MICALL1: variants seen among roughly 807,000 people sequenced by gnomAD.
MICALL1 encodes the protein MICAL-like protein 1.
In MICALL1, 61 loss-of-function variants were observed where a neutral mutation model predicts 83.7. The ratio of observed to expected loss-of-function variants is 0.73; its 90% confidence interval spans 0.59 to 0.90. The LOEUF (loss-of-function observed/expected upper bound fraction) is 0.90. Among genes scored for constraint, MICALL1 ranks in the 40% least tolerant of loss-of-function variants. The pLI is 0.00. For missense variants in MICALL1, 1,066 were observed against 1,152.0 expected (o/e 0.93, Z 1.08); for synonymous variants, 481 against 473.6 (o/e 1.02, Z -0.20).
intron 1 of MICALL1, among the ~76,000 whole-genome samples, chr22:37,909,122 G>A (rs1012641472): frequency 1.4e-5 from 2 of 147,864 alleles, no homozygotes; most frequent in East Asian, 4.0e-4. Context: ...GCGTGATCTC[G>A]GCTCACCACA....
chr22:37,941,007 G>T lies in MICALL1; in HGVS notation c.*177G>T, dbSNP rs1159154498. 3 of 727,786 alleles carry T rather than the reference G, an allele frequency of 4.1e-6. No individual in the cohort carries two copies. The highest frequency in any genetic ancestry group is 6.0e-5 in the East Asian group (2 of 33,556). The allele number at this position is 727,786 out of a possible 1,614,324, so 45.1% of individuals were successfully genotyped here. On this transcript the variant is annotated 3_prime_UTR_variant, in exon 16 of 16. Coordinates refer to ENST00000215957, the MANE Select transcript of MICALL1 (RefSeq NM_033386.4). Reference sequence around the variant, plus strand: ...GGACCTCTGACTGCTCTGGGCCAAAGAATCTCTTGTTTCTTCTCCGAGCCC... The same window carrying T: ...GGACCTCTGACTGCTCTGGGCCAAATAATCTCTTGTTTCTTCTCCGAGCCC...
intron 5 of MICALL1, among the ~76,000 whole-genome samples, chr22:37,920,600 G>T (rs1928965930): frequency 1.3e-5 from 2 of 149,968 alleles, no homozygotes; most frequent in African/African-American, 4.9e-5. Flanking sequence ...AACATAATGA[G>T]ACTTCATCTC....
chr22:37,935,057 C>T (rs1385225948), intron 13 of MICALL1, among the ~76,000 whole-genome samples: 1 of 150,368 alleles, frequency 6.7e-6, no homozygotes, highest in Non-Finnish European at 1.5e-5. Flanking sequence ...CTCAGCCTCC[C>T]TAGTAGCTGG....
chr22:37,918,296 T>C (rs898539025), intron 4 of MICALL1, among the ~76,000 whole-genome samples: 16 of 152,236 alleles, frequency 1.1e-4, no homozygotes, highest in Admixed American at 9.2e-4. Context: ...TGTCCAAGGT[T>C]ACTTAGTAAG....
chr22:37,938,975 C>G (rs1268283730), intron 15 of MICALL1, among the ~76,000 whole-genome samples: 3 of 151,908 alleles, frequency 2.0e-5, no homozygotes, highest in Non-Finnish European at 4.4e-5. Context: ...AGGCTGGTCT[C>G]GAACTCCTGG....
In MICALL1 at chr22:37,920,214, G is replaced by A. The variant is rs977835575; in HGVS notation, c.569+1036G>A. Among the ~76,000 whole-genome samples the A allele has an allele frequency of 4.0e-5, 6 of 151,700 alleles. No homozygotes were observed. The South Asian group carries it at 1.2e-3, about 32-fold the overall frequency. On this transcript the variant is annotated intron_variant, in intron 5 of 15. Coordinates refer to ENST00000215957, the MANE Select transcript of MICALL1 (RefSeq NM_033386.4). Reference sequence around the variant, plus strand: ...TTTAAGAGAGTGGTATAAGCAGCAAGGAAAGTAAAAAAACTTAGAAAATTC... The same window carrying A: ...TTTAAGAGAGTGGTATAAGCAGCAAAGAAAGTAAAAAAACTTAGAAAATTC...
chr22:37,933,978 G>A (rs1014281701), intron 13 of MICALL1, among the ~76,000 whole-genome samples: 1 of 152,228 alleles, frequency 6.6e-6, no homozygotes, highest in South Asian at 2.1e-4. Flanking sequence ...GGAGGCTGGA[G>A]TGTCCCAGGG....
In MICALL1 at chr22:37,924,684, C is replaced by A; in HGVS notation, c.1049C>A (p.Pro350His). The change falls in exon 7 of 16, where the codon CCC becomes CAC. Residue 350 changes from proline to histidine, a missense_variant. By Grantham distance (77) the Pro-to-His change is moderately conservative. Transcript: ENST00000215957. The surrounding 1 kb of genome is among the most constrained non-coding windows in gnomAD (Gnocchi z 5.2). Reference protein sequence around the residue: ...VNGRLHELPVPKPRGTPKPSE... With the variant: ...VNGRLHELPVHKPRGTPKPSE... ...GGGAGACTGCACGAACTGCCTGTCC[C>A]CAAGCCGAGGGGGACACCGAAGCCG... 6.2e-7 allele frequency: 1 copy of A among 1,612,336 alleles called. No individual in the cohort carries two copies. The highest frequency in any genetic ancestry group is 1.1e-5 in the South Asian group (1 of 90,820).
chr22:37,940,570 C>G (rs547748582), intron 15 of MICALL1, 139 bp from the exon 16 acceptor site: 2 of 1,020,500 alleles, frequency 2.0e-6, no homozygotes, highest in Non-Finnish European at 2.8e-6. Context: ...TGTCTTGTCC[C>G]TCCCAGGCTC....
intron 8 of MICALL1, chr22:37,927,062 T>A (rs888181786): frequency 1.6e-5 from 5 of 317,832 alleles, no homozygotes; most frequent in Non-Finnish European, 2.9e-5. Flanking sequence ...GCTCCTCCCC[T>A]CTGCCTCCGC....
rs1418530294 is a variant in MICALL1 at position 37,913,677 on chromosome 22, CT to C, written c.337+1187del. On this transcript the variant is annotated intron_variant, in intron 3 of 15. Transcript: ENST00000215957. ...TCCCTTGCAGGTAGCTGGGCCTCCCCTTCTGCAGAGATGAGATAGGCCTAGA... is the reference window on the plus strand; with the variant it reads ...TCCCTTGCAGGTAGCTGGGCCTCCCCTCTGCAGAGATGAGATAGGCCTAGA... Among the ~76,000 whole-genome samples the C allele has an allele frequency of 2.0e-5, 3 of 152,136 alleles. No individual in the cohort carries two copies. The East Asian group carries it at 5.8e-4, about 29-fold the overall frequency.
intron 9 of MICALL1, among the ~76,000 whole-genome samples, chr22:37,928,793 G>A (rs1433031954): frequency 2.0e-5 from 3 of 152,100 alleles, no homozygotes; most frequent in African/African-American, 7.2e-5. Context: ...ATTCACTCAG[G>A]CTCTACTGAT....
intron 1 of MICALL1, among the ~76,000 whole-genome samples, chr22:37,907,835 G>A (rs906049470): frequency 5.3e-5 from 8 of 152,212 alleles, no homozygotes; most frequent in African/African-American, 1.7e-4. Context: ...GCCCCTGCCC[G>A]CTGTGGGGCA....
chr22:37,913,239 C>A, intron 3 of MICALL1, among the ~76,000 whole-genome samples: 1 of 152,188 alleles, frequency 6.6e-6, no homozygotes, highest in East Asian at 1.9e-4. Flanking sequence ...GCTGGGACTA[C>A]AGACGTGAGC....
At chr22:37,923,152 A>G (rs2145914512) in intron 6 of MICALL1, among the ~76,000 whole-genome samples, 1 of 150,722 alleles carries the variant, frequency 6.6e-6, no homozygotes, top group South Asian at 2.1e-4. Flanking sequence ...GCTGGTCTCA[A>G]ACTCCCGACC....
chr22:37,926,108 G>T (rs1366787327), intron 8 of MICALL1, 65 bp downstream of exon 8: 3 of 1,500,816 alleles, frequency 2.0e-6, no homozygotes, highest in Non-Finnish European at 2.7e-6. Flanking sequence ...GGCCTGGGGA[G>T]GGGGTGTGGT....
intron 13 of MICALL1, among the ~76,000 whole-genome samples, chr22:37,935,244 G>A (rs535309983): frequency 1.3e-5 from 2 of 149,490 alleles, no homozygotes; most frequent in Admixed American, 6.7e-5. Flanking sequence ...GGCCCTATTT[G>A]TTATTATTAT....
At chr22:37,912,538 G>T in intron 3 of MICALL1, 46 bp downstream of exon 3, 1 of 1,522,758 alleles carries the variant, frequency 6.6e-7, no homozygotes, top group Non-Finnish European at 8.9e-7. Context: ...CCAGGGGGTG[G>T]CCCTGGGGAT....
chr22:37,926,750 C>G (rs1252555147), intron 8 of MICALL1: 1 of 152,826 alleles, frequency 6.5e-6, no homozygotes, highest in Non-Finnish European at 1.5e-5. Flanking sequence ...CATGCCAGAG[C>G]TGGCAGAGGC....
Sources: gnomAD v4.1 joint callset for allele counts (sites outside exome capture counted in the v4.1 genomes callset) on GRCh38, gnomAD v4.1.1 for gene constraint, Gnocchi (gnomAD v3.1) non-coding constraint, MANE v1.5 for transcripts, NCBI Gene and HGNC (gene_info 2026-07-23, HGNC 2026-07-21) for gene names.